The following MAGI2 variants were observed in gnomAD, a reference collection of about 807,000 sequenced individuals.
The protein encoded by MAGI2 is membrane-associated guanylate kinase, WW and PDZ domain-containing protein 2.
Under a neutral mutation model 133.3 loss-of-function variants are expected in MAGI2, and 35 were observed. The observed-to-expected ratio is 0.26, with a 90% CI of 0.20 to 0.35. The LOEUF is 0.35. Ranked by LOEUF, MAGI2 falls within the 10% of genes least tolerant of loss-of-function variation. The probability of loss-of-function intolerance (pLI) is 1.00; values close to 1 mark genes in which losing one functional copy is unlikely to be tolerated. For synonymous variants in MAGI2, 729 were observed against 710.6 expected (o/e 1.03, Z -0.41); for missense variants, 1,636 against 1,863.4 (o/e 0.88, Z 2.25).
chr7:79,133,652 T>C (rs1230925037), intron 1 of MAGI2, among the ~76,000 whole-genome samples: 1 of 152,180 alleles, frequency 6.6e-6, no homozygotes, highest in Non-Finnish European at 1.5e-5. Flanking sequence ...TTTTAACCAA[T>C]ACTTTACCAA....
chr7:78,789,114 C>A lies in MAGI2; in HGVS notation c.419-161875G>T, dbSNP rs116349268. On this transcript the variant is annotated intron_variant, in intron 2 of 21. Transcript: ENST00000354212. ...ATATTTTATTCATTTTATGTGCTTC[C>A]ATTTTTAAAAAATATATTCATTGCA... Among the ~76,000 whole-genome samples, 1,484 of 152,206 alleles carry A rather than the reference C, an allele frequency of 9.7e-3. 22 individuals carry two copies. Among genetic ancestry groups the A allele is most frequent in the African/African-American group, 0.034 (1,422 of 41,520 alleles).
intron 1 of MAGI2, chr7:79,030,188 A>G (rs1475612916): frequency 1.3e-5 from 2 of 152,254 alleles, no homozygotes; most frequent in Admixed American, 1.3e-4. Context: ...TTGGTGACTG[A>G]AATGGATTTT....
At chr7:78,497,754 A>ATCTATCTGTCTGTCTGTCTG (rs1554442399) in intron 5 of MAGI2, among the ~76,000 whole-genome samples, 11 of 104,494 alleles carry the variant, frequency 1.1e-4, no homozygotes, top group South Asian at 7.9e-4. Context: ...CTATCTATCT[A>ATCTATCTGTCTGTCTGTCTG]TCTATCTATC....
chr7:78,397,497 T>C (rs1295882475), intron 6 of MAGI2, among the ~76,000 whole-genome samples: 1 of 151,698 alleles, frequency 6.6e-6, no homozygotes, highest in Non-Finnish European at 1.5e-5. Flanking sequence ...GGAAGCAGGG[T>C]TGAGTTGCAT....
chr7:78,683,783 C>G (rs1217512071), intron 2 of MAGI2, among the ~76,000 whole-genome samples: 2 of 152,130 alleles, frequency 1.3e-5, no homozygotes, highest in South Asian at 2.1e-4. Flanking sequence ...GCTCTGCAAA[C>G]AGTGTCTTTG....
intron 2 of MAGI2, among the ~76,000 whole-genome samples, chr7:78,865,350 C>A (rs976323358): frequency 2.6e-5 from 4 of 152,052 alleles, no homozygotes; most frequent in Non-Finnish European, 5.9e-5. Flanking sequence ...GTGAGGAAGA[C>A]CATTAGTCAA....
intron 2 of MAGI2, among the ~76,000 whole-genome samples, chr7:78,794,590 T>C (rs1265238725): frequency 6.9e-6 from 1 of 144,030 alleles, no homozygotes; most frequent in Non-Finnish European, 1.5e-5. Flanking sequence ...TTACTTGTCC[T>C]GTTCATGCAA....
intron 2 of MAGI2, among the ~76,000 whole-genome samples, chr7:78,753,554 T>C (rs1237235711): frequency 6.6e-6 from 1 of 151,990 alleles, no homozygotes; most frequent in Non-Finnish European, 1.5e-5. Context: ...AAATACATAA[T>C]AGCCAAAAAT....
chr7:79,349,478 T>C (rs1585664896), intron 1 of MAGI2, among the ~76,000 whole-genome samples: 1 of 152,014 alleles, frequency 6.6e-6, no homozygotes, highest in Middle Eastern at 3.4e-3. Context: ...ATAATAATAA[T>C]AATAGCTAGC....
At chr7:78,687,969 T>TAAAAAAAAAAAAAA (rs72030909) in intron 2 of MAGI2, among the ~76,000 whole-genome samples, 62 of 67,218 alleles carry the variant, frequency 9.2e-4, no homozygotes, top group Admixed American at 1.2e-3. Flanking sequence ...GTCCTTGCCT[T>TAAAAAAAAAAAAAA]AAAAAAAAAA....
At chr7:78,065,010 A>C (rs757772338) in intron 21 of MAGI2, among the ~76,000 whole-genome samples, 1 of 152,098 alleles carries the variant, frequency 6.6e-6, no homozygotes, top group Non-Finnish European at 1.5e-5. Context: ...TTGGGCCCTT[A>C]AAATTTTTTT....
intron 2 of MAGI2, among the ~76,000 whole-genome samples, chr7:78,689,704 T>C (rs898789971): frequency 8.9e-6 from 1 of 111,806 alleles, no homozygotes; most frequent in Non-Finnish European, 1.9e-5. Flanking sequence ...TTTTTTTTTT[T>C]GCTAAGCTTC....
intron 6 of MAGI2, among the ~76,000 whole-genome samples, chr7:78,434,264 G>C (rs1000369763): frequency 2.6e-5 from 4 of 152,168 alleles, no homozygotes; most frequent in Non-Finnish European, 5.9e-5. Context: ...ATTGTATAGA[G>C]AGGAGAACCT....
At chr7:78,664,770 AAAT>A (rs1369916733) in intron 2 of MAGI2, among the ~76,000 whole-genome samples, 2 of 151,784 alleles carry the variant, frequency 1.3e-5, no homozygotes, top group African/African-American at 4.8e-5. Context: ...AAAAACAAAA[AAAT>A]AAGAAAAGGG....
chr7:79,006,480 G>A (rs1251674356), intron 2 of MAGI2, among the ~76,000 whole-genome samples: 3 of 152,088 alleles, frequency 2.0e-5, no homozygotes, highest in Non-Finnish European at 4.4e-5. Context: ...ACTAAAAATT[G>A]TATCATTTTA....
At chr7:78,407,354 A>T (rs964588264) in intron 6 of MAGI2, among the ~76,000 whole-genome samples, 2 of 151,990 alleles carry the variant, frequency 1.3e-5, no homozygotes, top group African/African-American at 4.8e-5. Flanking sequence ...TTAACTTTCC[A>T]TTAGGTCCCT....
At chr7:79,067,504 G>T (rs1584842644) in intron 1 of MAGI2, among the ~76,000 whole-genome samples, 1 of 152,284 alleles carries the variant, frequency 6.6e-6, no homozygotes, top group South Asian at 2.1e-4. Context: ...GAGATTCAGG[G>T]CTGAGATGAT....
intron 1 of MAGI2, among the ~76,000 whole-genome samples, chr7:79,152,129 G>A: frequency 6.6e-6 from 1 of 152,138 alleles, no homozygotes; most frequent in Non-Finnish European, 1.5e-5. Flanking sequence ...GAATTATAGG[G>A]AAAAGAGAAT....
At chr7:78,182,516 T>C (rs1827281127) in intron 13 of MAGI2, among the ~76,000 whole-genome samples, 1 of 152,196 alleles carries the variant, frequency 6.6e-6, no homozygotes, top group Admixed American at 6.5e-5. Context: ...CCATCCTAAA[T>C]ATGACTTTGC....
Sources: gnomAD v4.1 joint callset for allele counts (sites outside exome capture counted in the v4.1 genomes callset) on GRCh38, gnomAD v4.1.1 for gene constraint, MANE v1.5 for transcripts, NCBI Gene and HGNC (gene_info 2026-07-23, HGNC 2026-07-21) for gene names.